Variants in UGT3A1 observed in about 807,000 individuals in gnomAD.
UGT3A1 encodes UDP glycosyltransferase family 3 member A1.
In UGT3A1, 40 loss-of-function variants were observed where a neutral mutation model predicts 37.6. The ratio of observed to expected loss-of-function variants is 1.06; its 90% confidence interval spans 0.83 to 1.38. The LOEUF (loss-of-function observed/expected upper bound fraction) is 1.38. UGT3A1 is among the 40% of genes most tolerant of loss of function. The pLI is 0.00. For missense variants in UGT3A1, 642 were observed against 634.2 expected (o/e 1.01, Z -0.13); for synonymous variants, 256 against 232.3 (o/e 1.10, Z -0.93).
At chr5:35,985,370 A>G (rs1052489310) in intron 2 of UGT3A1, among the ~76,000 whole-genome samples, 2 of 152,198 alleles carry the variant, frequency 1.3e-5, no homozygotes, top group Non-Finnish European at 2.9e-5. Context: ...TAAAATGTAT[A>G]TGGAACCATA....
At chr5:35,965,302 G>T (rs1240901556) in intron 4 of UGT3A1, 84 bp downstream of exon 4, 2 of 1,533,030 alleles carry the variant, frequency 1.3e-6, no homozygotes, top group Non-Finnish European at 1.8e-6. Context: ...TCAACCTCAG[G>T]ATCCCACTGG....
chr5:35,981,250 A>G (rs1259041931), intron 2 of UGT3A1, among the ~76,000 whole-genome samples: 1 of 152,174 alleles, frequency 6.6e-6, no homozygotes, highest in Non-Finnish European at 1.5e-5. Flanking sequence ...ATTACAGAAA[A>G]CCAAAAATAA....
intron 4 of UGT3A1, chr5:35,962,682 G>A: frequency 1.8e-6 from 1 of 566,016 alleles, no homozygotes; most frequent in Non-Finnish European, 3.2e-6. Context: ...CACGCCTACA[G>A]AAAATGTCCA....
intron 2 of UGT3A1, among the ~76,000 whole-genome samples, chr5:35,978,225 G>C (rs1032809475): frequency 6.6e-6 from 1 of 151,944 alleles, no homozygotes; most frequent in Non-Finnish European, 1.5e-5. Context: ...AGTACAGATG[G>C]GGTTTCACCA....
At chr5:35,977,807 C>T (rs371213379) in intron 2 of UGT3A1, among the ~76,000 whole-genome samples, 1 of 152,086 alleles carries the variant, frequency 6.6e-6, no homozygotes, top group Admixed American at 6.6e-5. Flanking sequence ...GAATACATAC[C>T]TTATAATCCC....
At chr5:35,961,536 T>G (rs1166907712) in intron 4 of UGT3A1, 1 of 152,212 alleles carries the variant, frequency 6.6e-6, no homozygotes, top group Non-Finnish European at 1.5e-5. Flanking sequence ...GTGAAAGAAA[T>G]TAAACCTTGT....
Position 35,951,257 on chromosome 5 carries a change from A to T in UGT3A1, c.*2945T>A, listed in dbSNP as rs1739195541. The T allele has an allele frequency of 6.6e-6, 1 of 152,192 alleles. No individual in the cohort carries two copies. 9.4% of individuals were successfully genotyped at this position (152,192 alleles called of 1,614,324 possible). On this transcript the variant is annotated 3_prime_UTR_variant, in exon 7 of 7. Transcript: ENST00000274278. ...ATCCAAACTATGTAAAAACATAAAC[A>T]CATGGATCCTTCCACCCTATTCAAA... is the stretch of plus-strand genomic sequence containing the variant.
rs1321030801 is a variant in UGT3A1, at chr5:35,965,394, C to T, written c.835G>A (p.Val279Ile). 1 of 1,613,572 alleles carries T rather than the reference C, an allele frequency of 6.2e-7. No homozygotes were observed. Among genetic ancestry groups the T allele is most frequent in the African/African-American group, 1.3e-5 (1 of 74,968 alleles). The change falls in exon 4 of 7, where the codon GTA becomes ATA. Residue 279 changes from valine (V) to isoleucine (I), a missense_variant. Transcript: ENST00000274278. ...GGLMEKPIKP[V>I]PQDLDNFIAN... ...GCTGAGGGTTCACTTACTTGTGGTACTGGTTTAATAGGTTTTTCCATCAAG... is the reference window on the plus strand; with the variant it reads ...GCTGAGGGTTCACTTACTTGTGGTATTGGTTTAATAGGTTTTTCCATCAAG...
intron 4 of UGT3A1, among the ~76,000 whole-genome samples, chr5:35,959,243 AG>A (rs1335406753): frequency 7.2e-5 from 11 of 152,244 alleles, no homozygotes; most frequent in African/African-American, 2.7e-4. Flanking sequence ...GACTGACAGA[AG>A]TAACTAATTG....
intron 4 of UGT3A1, chr5:35,961,691 T>C (rs1437533268): frequency 6.6e-6 from 1 of 152,198 alleles, no homozygotes; most frequent in African/African-American, 2.4e-5. Context: ...CCCCCATCTC[T>C]ATTGTAAAAG....
rs776401765 is a variant in UGT3A1 at position 35,968,113 on chromosome 5, A to AT, written c.216dup (p.Ser73IlefsTer11). The AT allele has an allele frequency of 1.5e-5, 24 of 1,612,304 alleles. No homozygotes were observed. The South Asian group carries it at 2.3e-4, about 16-fold the overall frequency. On this transcript the variant is annotated frameshift_variant, in exon 3 of 7. Transcript: ENST00000274278. LOFTEE classifies it high-confidence loss of function. ...GAAAACCACCTGATAACTTGGTATG[A>AT]TTTTTCCTCCTCTTTAATATCTAAG...
intron 2 of UGT3A1, among the ~76,000 whole-genome samples, chr5:35,980,443 A>G (rs567394144): frequency 6.6e-6 from 1 of 152,346 alleles, no homozygotes; most frequent in African/African-American, 2.4e-5. Flanking sequence ...GGCAGACAGA[A>G]TTCACAAAAC....
chr5:35,954,034 A>G lies in UGT3A1; in HGVS notation c.*168T>C. 2.7e-6 allele frequency: 2 copies of G among 733,532 alleles called. No individual in the cohort carries two copies. The highest frequency in any genetic ancestry group is 2.9e-5 in the Admixed American group (1 of 34,092). The allele number at this position is 733,532 out of a possible 1,614,324, so 45.4% of individuals were successfully genotyped here. A position where few individuals can be genotyped will look rare whatever the true frequency, so the allele number is the denominator to read the frequency against. On this transcript the variant is annotated 3_prime_UTR_variant, in exon 7 of 7. Coordinates refer to ENST00000274278, the MANE Select transcript of UGT3A1 (RefSeq NM_152404.4). ...CACAAGGGGCAAGTCAAGAAGCCTC[A>G]GTGGTGCGTGAAGATTTCTAAACAG...
At chr5:35,995,302 A>G (rs1054138636), upstream of UGT3A1, among the ~76,000 whole-genome samples, 35 of 152,070 alleles carry the variant, frequency 2.3e-4, no homozygotes, top group African/African-American at 6.8e-4. Flanking sequence ...GACAGCCCCA[A>G]TGGCAGCATC....
In UGT3A1 at chr5:35,954,285, G is replaced by A; in HGVS notation, c.1489C>T (p.Leu497=). The A allele has an allele frequency of 6.2e-7, 1 of 1,614,184 alleles. No individual in the cohort carries two copies. Among genetic ancestry groups the A allele is most frequent in the Non-Finnish European group, 8.5e-7 (1 of 1,180,024 alleles). ...DVFVFLLGLT[L]GTMWLCGKLL... is the part of the protein sequence containing the mutation. ...TTCCCACAAAGCCACATAGTGCCCAGAGTGAGCCCCAGCAGAAACACAAAG... is the reference window on the plus strand; with the variant it reads ...TTCCCACAAAGCCACATAGTGCCCAAAGTGAGCCCCAGCAGAAACACAAAG... The change falls in exon 7 of 7, where the codon CTG becomes TTG. Residue 497 remains leucine (L), a synonymous_variant. Transcript: ENST00000274278.
At chr5:35,967,942 C>G in intron 3 of UGT3A1, 77 bp downstream of exon 3, 8 of 1,162,286 alleles carry the variant, frequency 6.9e-6, no homozygotes, top group Non-Finnish European at 1.0e-5. Flanking sequence ...AAACTCACTC[C>G]AAATATCATG....
At chr5:35,997,320 T>A (rs1446780774) in exon 2 of UGT3A1, 1 of 152,194 alleles carries the variant, frequency 6.6e-6, no homozygotes, top group African/African-American at 2.4e-5. Context: ...TATTTGGATA[T>A]TTGCCTTTAC....
At chr5:35,997,492 T>G (rs1157194376) in intron 1 of UGT3A1, among the ~76,000 whole-genome samples, 1 of 152,020 alleles carries the variant, frequency 6.6e-6, no homozygotes, top group Non-Finnish European at 1.5e-5. Flanking sequence ...CAATGGTGGA[T>G]CTCGCCTCAC....
intron 2 of UGT3A1, among the ~76,000 whole-genome samples, chr5:35,969,425 G>A (rs1027422926): frequency 6.6e-6 from 1 of 152,076 alleles, no homozygotes; most frequent in Non-Finnish European, 1.5e-5. Context: ...GATACTCATT[G>A]GAACTCTCTC....
Sources: gnomAD v4.1 joint callset for allele counts (sites outside exome capture counted in the v4.1 genomes callset) on GRCh38, gnomAD v4.1.1 for gene constraint, MANE v1.5 for transcripts, NCBI Gene and HGNC (gene_info 2026-07-23, HGNC 2026-07-21) for gene names.